Variants in FAM53B observed in about 807,000 individuals in gnomAD.
The protein encoded by FAM53B is family with sequence similarity 53 member B, also known as protein FAM53B.
A neutral mutation model predicts 32.7 loss-of-function variants in FAM53B; 12 were observed. That is an observed-to-expected ratio of 0.37 (90% confidence interval 0.24 to 0.59). The LOEUF is 0.59. Among genes scored for constraint, FAM53B ranks in the 20% least tolerant of loss-of-function variants. FAM53B has a pLI of 0.72. For missense variants in FAM53B, 477 were observed against 577.7 expected (o/e 0.83, Z 1.79); for synonymous variants, 234 against 228.7 (o/e 1.02, Z -0.21).
At chr10:124,710,387 T>C (rs972236909) in intron 1 of FAM53B, among the ~76,000 whole-genome samples, 2 of 152,200 alleles carry the variant, frequency 1.3e-5, no homozygotes, top group African/African-American at 4.8e-5. Flanking sequence ...ACATGTGAAA[T>C]GATCTGGGCA....
intron 1 of FAM53B, among the ~76,000 whole-genome samples, chr10:124,718,422 C>G (rs867181468): frequency 6.6e-6 from 1 of 152,194 alleles, no homozygotes; most frequent in Non-Finnish European, 1.5e-5. Flanking sequence ...CCCCACATCG[C>G]GCTGCAAGCT....
chr10:124,708,294 T>G (rs949127741), intron 1 of FAM53B, among the ~76,000 whole-genome samples: 80 of 152,196 alleles, frequency 5.3e-4, no homozygotes, highest in Non-Finnish European at 1.0e-4. Flanking sequence ...GACTTTACAG[T>G]GGGTGTTACT....
At chr10:124,644,250 G>C (rs987135378) in intron 4 of FAM53B, among the ~76,000 whole-genome samples, 1 of 152,186 alleles carries the variant, frequency 6.6e-6, no homozygotes, top group Non-Finnish European at 1.5e-5. Flanking sequence ...CTAGCTCACC[G>C]AGTTAGCTGG....
chr10:124,648,153 A>G (rs1477823429), intron 4 of FAM53B, among the ~76,000 whole-genome samples: 2 of 152,232 alleles, frequency 1.3e-5, no homozygotes, highest in African/African-American at 4.8e-5. Context: ...CTCTCTGAGA[A>G]CACTGCAGCA....
Position 124,667,532 on chromosome 10 carries a change from G to A in FAM53B, c.906+14075C>T, listed in dbSNP as rs550889780. ...CTGGCACTCCACCTGTGTGGTCAGAGGCTGCCCTCTGAGCCTCCACATCCA... is the reference window on the plus strand; with the variant it reads ...CTGGCACTCCACCTGTGTGGTCAGAAGCTGCCCTCTGAGCCTCCACATCCA... On this transcript the variant is annotated intron_variant, in intron 4 of 4. Coordinates refer to ENST00000337318, the MANE Select transcript of FAM53B (RefSeq NM_014661.4). The A allele has an allele frequency of 2.8e-4, 199 of 698,956 alleles. 2 individuals are homozygous for A. In the East Asian group the frequency reaches 5.4e-3, roughly 19 times the overall value. 43.3% of individuals were successfully genotyped at this position (698,956 alleles called of 1,614,324 possible). A position where few individuals can be genotyped will look rare whatever the true frequency, so the allele number is the denominator to read the frequency against.
chr10:124,739,394 C>G (rs1463831071), intron 1 of FAM53B, among the ~76,000 whole-genome samples: 2 of 152,252 alleles, frequency 1.3e-5, no homozygotes, highest in African/African-American at 4.8e-5. Context: ...CTTCAACAAC[C>G]AGTGGGTGCT....
At chr10:124,629,329 G>C (rs1589730087) in intron 4 of FAM53B, among the ~76,000 whole-genome samples, 1 of 152,236 alleles carries the variant, frequency 6.6e-6, no homozygotes, top group African/African-American at 2.4e-5. Flanking sequence ...TTTTGGGCAA[G>C]CGAAGACCAC....
chr10:124,699,314 T>C (rs1949897274), intron 2 of FAM53B, among the ~76,000 whole-genome samples: 1 of 152,202 alleles, frequency 6.6e-6, no homozygotes, highest in African/African-American at 2.4e-5. Context: ...ACCCAGTGGA[T>C]GTCAGGCAAC....
intron 4 of FAM53B, among the ~76,000 whole-genome samples, chr10:124,642,011 G>C (rs1399041787): frequency 6.6e-6 from 1 of 152,250 alleles, no homozygotes; most frequent in Non-Finnish European, 1.5e-5. Context: ...GCCTAAAGCA[G>C]GTACACAACT....
intron 2 of FAM53B, among the ~76,000 whole-genome samples, chr10:124,706,309 C>A (rs531693284): frequency 1.3e-5 from 2 of 152,294 alleles, no homozygotes; most frequent in East Asian, 1.9e-4. Context: ...CTGGAAACCA[C>A]CCCCCCTTAA....
At chr10:124,691,108 T>A (rs755566918) in intron 3 of FAM53B, among the ~76,000 whole-genome samples, 5 of 152,228 alleles carry the variant, frequency 3.3e-5, no homozygotes, top group Non-Finnish European at 5.9e-5. Context: ...TGACAAACAG[T>A]GGCTGAGTTT....
At chr10:124,628,021 ACTG>A (rs1949366861) in intron 4 of FAM53B, among the ~76,000 whole-genome samples, 1 of 152,212 alleles carries the variant, frequency 6.6e-6, no homozygotes, top group Non-Finnish European at 1.5e-5. Flanking sequence ...TGCCAGGCAG[ACTG>A]CTACTCACTC....
At chr10:124,735,926 ACTTTTGCC>A (rs1448893038) in intron 1 of FAM53B, among the ~76,000 whole-genome samples, 1 of 152,234 alleles carries the variant, frequency 6.6e-6, no homozygotes, top group Non-Finnish European at 1.5e-5. Flanking sequence ...GCTGAATGCT[ACTTTTGCC>A]CTCGATGATA....
chr10:124,723,933 T>G (rs183912137), intron 1 of FAM53B, among the ~76,000 whole-genome samples: 74 of 152,374 alleles, frequency 4.9e-4, no homozygotes, highest in African/African-American at 1.7e-3. Context: ...CCCTGTGTTG[T>G]GCTTCTCTCT....
At chr10:124,697,925 T>C (rs1327727760) in intron 2 of FAM53B, among the ~76,000 whole-genome samples, 1 of 148,850 alleles carries the variant, frequency 6.7e-6, no homozygotes, top group Non-Finnish European at 1.5e-5. Context: ...CTTCCTCCCA[T>C]CCCCCAACAC....
At chr10:124,705,163 T>C (rs1387695538) in intron 2 of FAM53B, among the ~76,000 whole-genome samples, 1 of 152,076 alleles carries the variant, frequency 6.6e-6, no homozygotes, top group East Asian at 1.9e-4. Flanking sequence ...CTGAGGCCCA[T>C]GAGCAGAGTG....
chr10:124,733,571 CACA>C lies in FAM53B; in HGVS notation c.-175+10439_-175+10441del, dbSNP rs1950158083. Among the ~76,000 whole-genome samples the C allele has an allele frequency of 6.6e-6, 1 of 152,212 alleles. No homozygotes were observed. Among genetic ancestry groups the C allele is most frequent in the Admixed American group, 6.5e-5 (1 of 15,294 alleles). ...CACTGAATCAGACTGTTTCAACTCA[CACA>C]ACGCCAGAACTTTGACTTCTTTAGT... On this transcript the variant is annotated intron_variant, in intron 1 of 4. Transcript: ENST00000337318. The surrounding 1 kb of genome is among the most constrained non-coding windows in gnomAD (Gnocchi z 4.3).
Position 124,661,720 on chromosome 10 carries a change from C to G in FAM53B, c.906+19887G>C, listed in dbSNP as rs186582035. On this transcript the variant is annotated intron_variant, in intron 4 of 4. Transcript: ENST00000337318. The stretch of plus-strand genomic sequence containing the variant: ...CCTTCAACAGGTTCCTGGGCTCTAC[C>G]AAGGCCACCATTACTGCCCCCGTTT... 6.0e-4 allele frequency among the ~76,000 whole-genome samples: 92 copies of G among 152,356 alleles called. 1 individual carries two copies. Among genetic ancestry groups the G allele is most frequent in the Admixed American group, 5.9e-3 (90 of 15,304 alleles).
At chr10:124,735,174 A>G (rs1417618926) in intron 1 of FAM53B, among the ~76,000 whole-genome samples, 1 of 152,186 alleles carries the variant, frequency 6.6e-6, no homozygotes, top group African/African-American at 2.4e-5. Context: ...AAGCACCTAA[A>G]GAGAATCCAG....
Sources: allele counts gnomAD v4.1 joint callset (sites outside exome capture counted in the v4.1 genomes callset), GRCh38; gene constraint gnomAD v4.1.1; non-coding constraint Gnocchi (gnomAD v3.1); transcripts MANE v1.5; gene names NCBI Gene and HGNC (gene_info 2026-07-23, HGNC 2026-07-21).